Variants in PLB1 observed in about 807,000 individuals in gnomAD.
PLB1 encodes the protein phospholipase B1, membrane-associated.
A neutral mutation model predicts 227.4 loss-of-function variants in PLB1; 242 were observed. The observed-to-expected ratio is 1.06, with a 90% CI of 0.96 to 1.18. The LOEUF (loss-of-function observed/expected upper bound fraction) is 1.18, where lower values mean the gene tolerates loss of function less well. Among genes scored for constraint, PLB1 ranks in the 50% most tolerant of loss-of-function variants. The pLI, the probability that PLB1 is intolerant of heterozygous loss-of-function variation, is 0.00. For synonymous variants in PLB1, 757 were observed against 682.2 expected (o/e 1.11, Z -1.71); for missense variants, 1,858 against 1,816.3 (o/e 1.02, Z -0.42).
intron 21 of PLB1, among the ~76,000 whole-genome samples, chr2:28,575,084 T>A (rs1678707031): frequency 6.6e-6 from 1 of 152,214 alleles, no homozygotes; most frequent in Admixed American, 6.5e-5. Context: ...CTTTAAGGAA[T>A]CTCCACACTG....
At chr2:28,636,013 GTA>G (rs368915403) in intron 56 of PLB1, among the ~76,000 whole-genome samples, 69 of 136,224 alleles carry the variant, frequency 5.1e-4, no homozygotes, top group African/African-American at 1.4e-3. Context: ...GTGTATGTAT[GTA>G]TGAATGTGTG....
Position 28,496,100 on chromosome 2 carries a change from C to G in PLB1, c.-15C>G. On this transcript the variant is annotated 5_prime_UTR_variant, in exon 1 of 58. Coordinates refer to ENST00000327757, the MANE Select transcript of PLB1 (RefSeq NM_153021.5). Reference sequence around the variant, plus strand: ...CAGCTCTTCCAGAGGCCCGAGTCACCTGGAGCATTCTGGCATGGGGCTGCG... The same window carrying G: ...CAGCTCTTCCAGAGGCCCGAGTCACGTGGAGCATTCTGGCATGGGGCTGCG... 1 of 1,613,976 alleles carries G rather than the reference C, an allele frequency of 6.2e-7. No individual in the cohort carries two copies. Among genetic ancestry groups the G allele is most frequent in the Non-Finnish European group, 8.5e-7 (1 of 1,179,928 alleles).
intron 19 of PLB1, chr2:28,566,570 G>C: frequency 1.9e-6 from 1 of 522,774 alleles, no homozygotes; most frequent in Non-Finnish European, 3.5e-6. Context: ...GCGAAAATCA[G>C]CCGCTGGTTT....
intron 43 of PLB1, among the ~76,000 whole-genome samples, chr2:28,613,550 GAAAA>G (rs963094214): frequency 5.5e-5 from 8 of 146,304 alleles, no homozygotes; most frequent in Middle Eastern, 3.5e-3. Context: ...TGTTTTACAA[GAAAA>G]AAAAAATGAC....
At chr2:28,552,862 C>G in intron 16 of PLB1, 66 bp from the exon 17 acceptor site, 1 of 1,333,328 alleles carries the variant, frequency 7.5e-7, no homozygotes, top group Non-Finnish European at 1.1e-6. Context: ...ATAGAGGCCC[C>G]ACTTCTCACC....
At chr2:28,501,002 T>C (rs574470754) in intron 1 of PLB1, among the ~76,000 whole-genome samples, 19 of 152,320 alleles carry the variant, frequency 1.2e-4, no homozygotes, top group African/African-American at 4.1e-4. Flanking sequence ...AAGGCTTCCA[T>C]TGGTAGGGGA....
At chr2:28,605,636 G>A (rs1684565158) in intron 41 of PLB1, among the ~76,000 whole-genome samples, 2 of 152,154 alleles carry the variant, frequency 1.3e-5, no homozygotes, top group Admixed American at 1.3e-4. Context: ...CACTTGTAGG[G>A]TCAAAAAGGA....
At chr2:28,635,006 A>T (rs1689127764) in intron 56 of PLB1, among the ~76,000 whole-genome samples, 2 of 152,204 alleles carry the variant, frequency 1.3e-5, no homozygotes, top group Admixed American at 1.3e-4. Context: ...AGAGGCCTTT[A>T]TTTCATAAAG....
chr2:28,592,253 G>A (rs1193707792), intron 31 of PLB1, among the ~76,000 whole-genome samples: 1 of 152,170 alleles, frequency 6.6e-6, no homozygotes, highest in Non-Finnish European at 1.5e-5. Context: ...GTCAGGTCCT[G>A]CACCTCGTCT....
chr2:28,604,960 G>A (rs1337448093), intron 41 of PLB1, among the ~76,000 whole-genome samples: 1 of 152,250 alleles, frequency 6.6e-6, no homozygotes. Context: ...AGCCTCCATT[G>A]TGTTGAGCAC....
intron 17 of PLB1, among the ~76,000 whole-genome samples, chr2:28,557,909 T>C (rs564081211): frequency 1.3e-5 from 2 of 152,346 alleles, no homozygotes; most frequent in South Asian, 4.1e-4. Flanking sequence ...TGTGATGTGC[T>C]CTATCTTAAC....
Position 28,516,970 on chromosome 2 carries a change from C to T in PLB1, c.117+101C>T, listed in dbSNP as rs1435772650. 1.2e-5 allele frequency: 14 copies of T among 1,171,476 alleles called. No homozygotes were observed. The Admixed American group carries it at 2.6e-4, about 21-fold the overall frequency. The allele number at this position is 1,171,476 out of a possible 1,614,324, so 72.6% of individuals were successfully genotyped here. A position where few individuals can be genotyped will look rare whatever the true frequency, so the allele number is the denominator to read the frequency against. On this transcript the variant is annotated intron_variant, in intron 2 of 57. Coordinates refer to ENST00000327757, the MANE Select transcript of PLB1 (RefSeq NM_153021.5). ...AAGTTTTGGTGCAAGTTGACAGGCC[C>T]CTTCCTGAGGCCTTGAGGGAATGGG...
At chr2:28,625,700 T>G (rs757618055) in intron 50 of PLB1, among the ~76,000 whole-genome samples, 1 of 152,166 alleles carries the variant, frequency 6.6e-6, no homozygotes, top group Non-Finnish European at 1.5e-5. Flanking sequence ...CAGGGGCAGC[T>G]TAGGGCCTTT....
intron 44 of PLB1, among the ~76,000 whole-genome samples, chr2:28,616,300 G>C (rs545454797): frequency 2.8e-4 from 43 of 152,296 alleles, no homozygotes; most frequent in African/African-American, 1.0e-3. Context: ...TTTGATCACT[G>C]CACATTGTAG....
Position 28,602,527 on chromosome 2 carries a change from TTCTAATGTA to T in PLB1, c.2674-290_2674-282del, listed in dbSNP as rs1429693522. Reference sequence around the variant, plus strand: ...AGGTTGCCTATCTCACCGAAGGTAATTCTAATGTATCTGGGCTTGCTACATGATGGCTAA... The same window carrying T: ...AGGTTGCCTATCTCACCGAAGGTAATTCTGGGCTTGCTACATGATGGCTAA... On this transcript the variant is annotated intron_variant, in intron 38 of 57. Coordinates refer to ENST00000327757, the MANE Select transcript of PLB1 (RefSeq NM_153021.5). Among the ~76,000 whole-genome samples, 3 of 152,220 alleles carry T rather than the reference TTCTAATGTA, an allele frequency of 2.0e-5. No homozygotes were observed. The East Asian group carries it at 5.8e-4, about 29-fold the overall frequency.
rs75485396 is a variant in PLB1, at chr2:28,609,503, G to A, written c.3129+2936G>A. ...ACCCTATCTTTTCTTATGAGAAAAA[G>A]CCGAAGTTTATCAAATTCCCTTAAA... On this transcript the variant is annotated intron_variant, in intron 43 of 57. Transcript: ENST00000327757. 3.8e-4 allele frequency among the ~76,000 whole-genome samples: 58 copies of A among 152,122 alleles called. 1 individual carries two copies. In the East Asian group the frequency reaches 6.8e-3, roughly 18 times the overall value.
intron 44 of PLB1, among the ~76,000 whole-genome samples, chr2:28,614,330 C>T (rs1189848479): frequency 1.3e-5 from 2 of 152,152 alleles, no homozygotes; most frequent in African/African-American, 2.4e-5. Context: ...GTCTATGGAT[C>T]GATTTTCTTT....
chr2:28,624,652 T>C (rs1009713904), intron 49 of PLB1, among the ~76,000 whole-genome samples: 4 of 152,224 alleles, frequency 2.6e-5, no homozygotes, highest in Non-Finnish European at 5.9e-5. Context: ...AAGGAGTCAT[T>C]AAGCCTGGAA....
At chr2:28,630,839 G>A (rs1431081271) in intron 54 of PLB1, among the ~76,000 whole-genome samples, 175 bp downstream of exon 54, 1 of 152,194 alleles carries the variant, frequency 6.6e-6, no homozygotes, top group African/African-American at 2.4e-5. Context: ...AGGGAAGGGA[G>A]TGAGAGACCC....
Sources: gnomAD v4.1 joint callset for allele counts (sites outside exome capture counted in the v4.1 genomes callset) on GRCh38, gnomAD v4.1.1 for gene constraint, MANE v1.5 for transcripts, NCBI Gene and HGNC (gene_info 2026-07-23, HGNC 2026-07-21) for gene names.